The following KNDC1 variants were observed in gnomAD, a reference collection of about 807,000 sequenced individuals.
The protein encoded by KNDC1 is kinase non-catalytic C-lobe domain-containing protein 1.
In KNDC1, 106 loss-of-function variants were observed where a neutral mutation model predicts 172.8. The observed-to-expected ratio is 0.61, with a 90% CI of 0.52 to 0.72. KNDC1 has a LOEUF of 0.72. KNDC1 is among the 30% of genes least tolerant of loss of function. KNDC1 has a pLI of 0.00. For synonymous variants in KNDC1, 1,083 were observed against 1,062.2 expected (o/e 1.02, Z -0.38); for missense variants, 2,325 against 2,394.5 (o/e 0.97, Z 0.61).
At position 133,201,555 on chromosome 10, in the gene KNDC1, C is replaced by T; in HGVS notation, c.3044C>T (p.Thr1015Ile). Residue 1015 changes from threonine to isoleucine, a missense_variant, in exon 17 of 30, where the codon ACC becomes ATC. Physicochemically the swap from Thr to Ile is moderately conservative, Grantham distance 89. Transcript: ENST00000304613. ...AGCAGCAGGGCCCCCTGCTCACCCACCTCGGTGTCGGATGTGGACTCGGAC... is the reference window on the plus strand; with the variant it reads ...AGCAGCAGGGCCCCCTGCTCACCCATCTCGGTGTCGGATGTGGACTCGGAC... ...RTSSRAPCSP[T>I]SVSDVDSDAL... The T allele has an allele frequency of 6.2e-7, 1 of 1,612,122 alleles. No homozygotes were observed. Among genetic ancestry groups the T allele is most frequent in the South Asian group, 1.1e-5 (1 of 90,966 alleles).
rs549070829 is a variant in KNDC1, at chr10:133,178,026, ATG to A, written c.361-5314_361-5313del. Among the ~76,000 whole-genome samples the A allele has an allele frequency of 1.8e-3, 217 of 122,292 alleles. 1 individual carries two copies. The highest frequency in any genetic ancestry group is 5.9e-3 in the African/African-American group (184 of 30,930). The allele number at this position is 122,292 out of a possible 152,430, so 80.2% of individuals were successfully genotyped here. On this transcript the variant is annotated intron_variant, in intron 3 of 29. Transcript: ENST00000304613. ...TATGTGGTGTGTGCATGCATGTGGT[ATG>A]TGTCATGGGCACACGTGTGTAGCAT...
chr10:133,181,725 G>A (rs531878327), intron 3 of KNDC1, among the ~76,000 whole-genome samples: 1 of 152,254 alleles, frequency 6.6e-6, no homozygotes, highest in South Asian at 2.1e-4. Flanking sequence ...CAGGCAGAGT[G>A]CAGCTGGGGA....
At chr10:133,206,624 C>G (rs1441903108) in intron 17 of KNDC1, 61 bp from the exon 18 acceptor site, 1 of 1,412,258 alleles carries the variant, frequency 7.1e-7, no homozygotes, top group East Asian at 2.3e-5. Context: ...GGGCCTGGCC[C>G]TGGATGTGGC....
chr10:133,215,228 C>T (rs1479905506), intron 26 of KNDC1, among the ~76,000 whole-genome samples: 1 of 152,238 alleles, frequency 6.6e-6, no homozygotes, highest in Non-Finnish European at 1.5e-5. Context: ...ACTGCCGTCC[C>T]TGCTGCTGTC....
chr10:133,169,638 A>AGTGGCCTGGTGGCCGTGACGCGGCAC lies in KNDC1; in HGVS notation c.360+1342_360+1367dup, dbSNP rs1449373088. 2.6e-5 allele frequency among the ~76,000 whole-genome samples: 4 copies of AGTGGCCTGGTGGCCGTGACGCGGCAC among 152,196 alleles called. No homozygotes were observed. The South Asian group carries it at 6.2e-4, about 24-fold the overall frequency. On this transcript the variant is annotated intron_variant, in intron 3 of 29. Coordinates refer to ENST00000304613, the MANE Select transcript of KNDC1 (RefSeq NM_152643.8). ...CGTCCAGAACCCAACTCCCTGCAGC[A>AGTGGCCTGGTGGCCGTGACGCGGCAC]GTGGCCTGGTGGCCGTGACGCGGCA...
rs1197889636 is a variant in KNDC1 at position 133,209,896 on chromosome 10, A to T, written c.3795-715A>T. On this transcript the variant is annotated intron_variant, in intron 20 of 29. Coordinates refer to ENST00000304613, the MANE Select transcript of KNDC1 (RefSeq NM_152643.8). This position sits in a 1 kb window ranked among gnomAD's most constrained non-coding sequence, Gnocchi z 4.9. ...TGACCGTGGCCGTCGGGCTCCCAGG[A>T]CAGTCCCAGACCTGCAGGCGGGGCC... Among the ~76,000 whole-genome samples the T allele has an allele frequency of 6.6e-6, 1 of 152,186 alleles. No individual in the cohort carries two copies. Among genetic ancestry groups the T allele is most frequent in the South Asian group, 2.1e-4 (1 of 4,822 alleles).
chr10:133,182,625 A>AC (rs1210468835), intron 3 of KNDC1, among the ~76,000 whole-genome samples: 3 of 152,224 alleles, frequency 2.0e-5, no homozygotes, highest in Non-Finnish European at 4.4e-5. Context: ...TGCAGAGCCC[A>AC]CCCTCTCAGG....
intron 3 of KNDC1, among the ~76,000 whole-genome samples, chr10:133,178,042 C>T (rs985136722): frequency 9.4e-5 from 13 of 138,202 alleles, no homozygotes; most frequent in African/African-American, 1.4e-4. Context: ...CATGGGCACA[C>T]GTGTGTAGCA....
At position 133,225,746 on chromosome 10, in the gene KNDC1, T is replaced by C. The variant is rs1055771858; in HGVS notation, c.*856T>C. The C allele has an allele frequency of 1.3e-5, 2 of 153,280 alleles. No individual in the cohort carries two copies. The highest frequency in any genetic ancestry group is 2.9e-5 in the Non-Finnish European group (2 of 68,810). 9.5% of individuals were successfully genotyped at this position (153,280 alleles called of 1,614,324 possible). Reference sequence around the variant, plus strand: ...GCCCACCGCCTCCAGCAGCCATGCATGTGCGCCCGCAGCCCTGCCTCCACA... The same window carrying C: ...GCCCACCGCCTCCAGCAGCCATGCACGTGCGCCCGCAGCCCTGCCTCCACA... On this transcript the variant is annotated 3_prime_UTR_variant, in exon 30 of 30. Coordinates refer to ENST00000304613, the MANE Select transcript of KNDC1 (RefSeq NM_152643.8).
intron 3 of KNDC1, among the ~76,000 whole-genome samples, chr10:133,176,333 CA>C (rs1220690443): frequency 1.3e-5 from 2 of 151,942 alleles, no homozygotes; most frequent in East Asian, 3.8e-4. Flanking sequence ...GGATGGGTTC[CA>C]GGTGCCTGGA....
chr10:133,198,360 A>G lies in KNDC1; in HGVS notation c.1930A>G (p.Thr644Ala). The change falls in exon 13 of 30, where the codon ACC (threonine) becomes GCC (alanine). Residue 644 changes from threonine (T) to alanine (A), a missense_variant. By Grantham distance (58) the Thr-to-Ala change is moderately conservative. Coordinates refer to ENST00000304613, the MANE Select transcript of KNDC1 (RefSeq NM_152643.8). ...AGGCTTCCTGCCGGTGAACAGCGAC[A>G]CCGGGCTTGTGGCTGTGCCAGGGCC... ...SPGFLPVNSDTGLVAVPGPVP... is the reference protein window; with the variant it reads ...SPGFLPVNSDAGLVAVPGPVP... The G allele has an allele frequency of 1.3e-6, 2 of 1,592,096 alleles. No individual in the cohort carries two copies. The highest frequency in any genetic ancestry group is 1.7e-6 in the Non-Finnish European group (2 of 1,170,468).
intron 5 of KNDC1, among the ~76,000 whole-genome samples, chr10:133,184,797 C>T (rs1179797127): frequency 2.6e-5 from 4 of 152,176 alleles, no homozygotes; most frequent in Admixed American, 6.5e-5. Flanking sequence ...GCATTGGTGC[C>T]GGTGTGGCAT....
At position 133,160,440 on chromosome 10, in the gene KNDC1, CGG is replaced by C. The variant is rs770976281; in HGVS notation, c.-24_-23del. On this transcript the variant is annotated 5_prime_UTR_variant, in exon 1 of 30. Transcript: ENST00000304613. The stretch of plus-strand genomic sequence containing the variant: ...CCCAGCCCAGCCCAGCCGGAGGCCC[CGG>C]GGGCGGTGCGCGGCGCGGCCGCAGG... 6.8e-7 allele frequency: 1 copy of C among 1,466,278 alleles called. No individual in the cohort carries two copies. Among genetic ancestry groups the C allele is most frequent in the Non-Finnish European group, 9.1e-7 (1 of 1,098,814 alleles). 90.8% of individuals were successfully genotyped at this position (1,466,278 alleles called of 1,614,324 possible).
intron 3 of KNDC1, among the ~76,000 whole-genome samples, chr10:133,178,158 C>T (rs895020515): frequency 2.8e-5 from 4 of 144,302 alleles, no homozygotes; most frequent in African/African-American, 2.6e-5. Flanking sequence ...CACGGGCACA[C>T]GAGTGTATCC....
chr10:133,172,106 A>T (rs1309008433), intron 3 of KNDC1, among the ~76,000 whole-genome samples: 1 of 152,200 alleles, frequency 6.6e-6, no homozygotes, highest in Non-Finnish European at 1.5e-5. Context: ...TTGATGCAGC[A>T]GGGAACAGCA....
intron 3 of KNDC1, among the ~76,000 whole-genome samples, chr10:133,181,654 G>A (rs1853719082): frequency 6.6e-6 from 1 of 152,202 alleles, no homozygotes; most frequent in South Asian, 2.1e-4. Flanking sequence ...GCATGGGACA[G>A]AGAAGGTCAG....
rs898270924 is a variant in KNDC1, at chr10:133,219,880, C to T, written c.4861-75C>T. On this transcript the variant is annotated intron_variant, in intron 28 of 29. Coordinates refer to ENST00000304613, the MANE Select transcript of KNDC1 (RefSeq NM_152643.8). ...GGACCCGCTGGGACTGGTTGGGCTG[C>T]GCTGGCCCCGGCTGAGGCTCCTGCA... is the stretch of plus-strand genomic sequence containing the variant. 1.2e-5 allele frequency: 17 copies of T among 1,431,514 alleles called. No individual in the cohort carries two copies. The African/African-American group carries it at 1.3e-4, about 11-fold the overall frequency. The allele number at this position is 1,431,514 out of a possible 1,614,324, so 88.7% of individuals were successfully genotyped here. A position where few individuals can be genotyped will look rare whatever the true frequency, so the allele number is the denominator to read the frequency against.
At chr10:133,169,622 C>T (rs1853307489) in intron 3 of KNDC1, among the ~76,000 whole-genome samples, 1 of 152,246 alleles carries the variant, frequency 6.6e-6, no homozygotes, top group African/African-American at 2.4e-5. Context: ...GCGTCCAGAA[C>T]CCAACTCCCT....
At chr10:133,220,870 C>T (rs906886703) in intron 29 of KNDC1, among the ~76,000 whole-genome samples, 3 of 152,088 alleles carry the variant, frequency 2.0e-5, no homozygotes, top group African/African-American at 2.4e-5. Context: ...CTCAGATGGG[C>T]GCATGCCCAG....
Sources: gnomAD v4.1 joint callset for allele counts (sites outside exome capture counted in the v4.1 genomes callset) on GRCh38, gnomAD v4.1.1 for gene constraint, Gnocchi (gnomAD v3.1) non-coding constraint, MANE v1.5 for transcripts, NCBI Gene and HGNC (gene_info 2026-07-23, HGNC 2026-07-21) for gene names.